The following RPS6KC1 variants were observed in gnomAD, a reference collection of about 807,000 sequenced individuals.
RPS6KC1 encodes the protein inactive ribosomal protein S6 kinase delta-1.
A neutral mutation model predicts 103.8 loss-of-function variants in RPS6KC1; 54 were observed. The observed-to-expected ratio is 0.52, with a 90% confidence interval of 0.42 to 0.65. The LOEUF (loss-of-function observed/expected upper bound fraction) is 0.65. Among genes scored for constraint, RPS6KC1 ranks in the 30% least tolerant of loss-of-function variants. The probability of loss-of-function intolerance (pLI) is 0.00; values close to 1 mark genes in which losing one functional copy is unlikely to be tolerated. For missense variants in RPS6KC1, 1,151 were observed against 1,253.8 expected (o/e 0.92, Z 1.24); for synonymous variants, 439 against 438.7 (o/e 1.00, Z -0.01).
chr1:213,640,943 A>G, the RPS6KC1 span, among the ~76,000 whole-genome samples: 1 of 152,004 alleles, frequency 6.6e-6, no homozygotes, highest in African/African-American at 2.4e-5. Context: ...AGTTGCAACT[A>G]TGATTACTAA....
chr1:213,497,414 A>G, the RPS6KC1 span, among the ~76,000 whole-genome samples: 1 of 152,052 alleles, frequency 6.6e-6, no homozygotes, highest in Non-Finnish European at 1.5e-5. Context: ...CCAAACACCA[A>G]ATAACAATTA....
the RPS6KC1 span, among the ~76,000 whole-genome samples, chr1:213,699,255 C>A: frequency 6.6e-6 from 1 of 152,028 alleles, no homozygotes; most frequent in Non-Finnish European, 1.5e-5. Context: ...TATTCTCTAC[C>A]TCCTTAAGTT....
At chr1:213,772,829 G>A in the RPS6KC1 span, among the ~76,000 whole-genome samples, 8 of 152,176 alleles carry the variant, frequency 5.3e-5, no homozygotes, top group Admixed American at 1.3e-4. Flanking sequence ...TGCTAATGAG[G>A]CCAAGGTTAT....
chr1:213,165,379 C>T (rs374987377), intron 6 of RPS6KC1, among the ~76,000 whole-genome samples: 14 of 151,794 alleles, frequency 9.2e-5, no homozygotes, highest in African/African-American at 1.2e-4. Context: ...TACAGGTGCC[C>T]GCCACCATGC....
chr1:213,722,557 G>C, the RPS6KC1 span, among the ~76,000 whole-genome samples: 1 of 152,110 alleles, frequency 6.6e-6, no homozygotes, highest in Non-Finnish European at 1.5e-5. Flanking sequence ...ACCCTGTCTT[G>C]GGTGTATTTG....
the RPS6KC1 span, among the ~76,000 whole-genome samples, chr1:213,653,227 G>A: frequency 0.043 from 6,543 of 152,258 alleles, 295 homozygotes; most frequent in African/African-American, 0.11. Flanking sequence ...GGGAGGTCGA[G>A]ACGGGCAGAT....
the RPS6KC1 span, among the ~76,000 whole-genome samples, chr1:213,646,509 A>T: frequency 5.3e-5 from 8 of 152,148 alleles, no homozygotes; most frequent in African/African-American, 1.9e-4. Flanking sequence ...GTGCAGTACC[A>T]TCAGCCCCTT....
In RPS6KC1 at chr1:213,253,604, C is replaced by T. The variant is rs548045020; in HGVS notation, c.2912-7954C>T. Among the ~76,000 whole-genome samples, 4 of 152,194 alleles carry T rather than the reference C, an allele frequency of 2.6e-5. No homozygotes were observed. In the South Asian group the frequency reaches 6.2e-4, roughly 24 times the overall value. On this transcript the variant is annotated intron_variant, in intron 12 of 14. Transcript: ENST00000366960. ...TTAGATCTGTCTTTGGTTATTTTTG[C>T]GTCATGTCTTTGACAAATCCATGCA...
chr1:213,602,124 T>TCTCTC, the RPS6KC1 span, among the ~76,000 whole-genome samples: 25 of 41,002 alleles, frequency 6.1e-4, no homozygotes, highest in Non-Finnish European at 7.7e-4. Flanking sequence ...TTCTTTCTCT[T>TCTCTC]TCTTTCTTTC....
chr1:213,822,743 A>G, the RPS6KC1 span, among the ~76,000 whole-genome samples: 1,251 of 152,262 alleles, frequency 8.2e-3, 16 homozygotes, highest in African/African-American at 0.029. Context: ...CTCTTTCTCC[A>G]ACATGTTACA....
At chr1:213,376,084 CTGTGTGTGTGTG>C in the RPS6KC1 span, among the ~76,000 whole-genome samples, 13,625 of 140,294 alleles carry the variant, frequency 0.097, 833 homozygotes, top group Non-Finnish European at 0.14. Context: ...CTCGTGACAA[CTGTGTGTGTGTG>C]TGTGTGTGTG....
At chr1:213,847,702 C>T in the RPS6KC1 span, among the ~76,000 whole-genome samples, 874 of 152,240 alleles carry the variant, frequency 5.7e-3, 9 homozygotes, top group African/African-American at 0.02. Flanking sequence ...CTTTATGCAT[C>T]CCTTGTTGAT....
chr1:213,403,238 C>T, the RPS6KC1 span, among the ~76,000 whole-genome samples: 1 of 152,178 alleles, frequency 6.6e-6, no homozygotes, highest in African/African-American at 2.4e-5. Context: ...TTTCAACTCT[C>T]CTCTCAGCTC....
chr1:213,549,579 T>TTTC, the RPS6KC1 span, among the ~76,000 whole-genome samples: 2,558 of 150,364 alleles, frequency 0.017, 79 homozygotes, highest in African/African-American at 0.055. Context: ...TTTCTTTTCT[T>TTTC]TTCTTCTTCT....
At chr1:213,291,371 T>C in the RPS6KC1 span, among the ~76,000 whole-genome samples, 34 of 152,356 alleles carry the variant, frequency 2.2e-4, no homozygotes, top group South Asian at 7.0e-3. Flanking sequence ...TCTCGCACTT[T>C]ATTTTCAAGA....
the RPS6KC1 span, among the ~76,000 whole-genome samples, chr1:213,615,775 C>T: frequency 3.3e-5 from 5 of 152,226 alleles, no homozygotes; most frequent in Admixed American, 6.5e-5. Flanking sequence ...TGAGAATGTA[C>T]ACCAAGTCCA....
the RPS6KC1 span, among the ~76,000 whole-genome samples, chr1:213,496,841 C>T: frequency 7.2e-5 from 11 of 152,118 alleles, no homozygotes; most frequent in Non-Finnish European, 1.5e-4. Context: ...CCATCTTGCC[C>T]CAACTCTGAG....
At chr1:213,067,538 C>T (rs762011575) in intron 1 of RPS6KC1, among the ~76,000 whole-genome samples, 4 of 152,056 alleles carry the variant, frequency 2.6e-5, no homozygotes, top group Non-Finnish European at 5.9e-5. Flanking sequence ...TTGCTCTGCA[C>T]AGTGAGGATT....
At chr1:213,400,823 C>T in the RPS6KC1 span, among the ~76,000 whole-genome samples, 15 of 151,986 alleles carry the variant, frequency 9.9e-5, no homozygotes, top group South Asian at 2.7e-3. Flanking sequence ...TCTCCTGCCT[C>T]GGCCTCCTGA....
Sources: allele counts gnomAD v4.1 joint callset (sites outside exome capture counted in the v4.1 genomes callset), GRCh38; gene constraint gnomAD v4.1.1; transcripts MANE v1.5; gene names NCBI Gene and HGNC (gene_info 2026-07-23, HGNC 2026-07-21).